The following WWC1 variants were observed in gnomAD, a reference collection of about 807,000 sequenced individuals.
The protein encoded by WWC1 is protein KIBRA.
A neutral mutation model predicts 138.4 loss-of-function variants in WWC1; 55 were observed. The observed-to-expected ratio is 0.40, with a 90% CI of 0.32 to 0.50. The LOEUF (loss-of-function observed/expected upper bound fraction) is 0.50, where lower values mean the gene tolerates loss of function less well. Ranked by LOEUF, WWC1 falls within the 20% of genes least tolerant of loss-of-function variation. The pLI is 0.72. For synonymous variants in WWC1, 524 were observed against 564.9 expected, an observed-to-expected ratio of 0.93 and a Z score of 1.03; for missense variants, 1,226 against 1,420.4, an observed-to-expected ratio of 0.86 and a Z score of 2.20.
intron 1 of WWC1, among the ~76,000 whole-genome samples, chr5:168,326,389 G>A (rs1018487008): frequency 1.3e-5 from 2 of 151,490 alleles, no homozygotes; most frequent in South Asian, 2.1e-4. Context: ...AGCTAATTTT[G>A]TATTTTTAGT....
At chr5:168,399,437 C>A (rs1192040692) in intron 4 of WWC1, 51 bp from the exon 5 acceptor site, 2 of 1,604,120 alleles carry the variant, frequency 1.2e-6, no homozygotes, top group Non-Finnish European at 8.5e-7. Context: ...GCAGCCTGCA[C>A]CTTGGTGTCA....
intron 6 of WWC1, among the ~76,000 whole-genome samples, chr5:168,407,671 G>A (rs999547426): frequency 2.0e-5 from 3 of 152,088 alleles, no homozygotes; most frequent in African/African-American, 2.4e-5. Context: ...ATCTTGCCTC[G>A]GTCAATTGCC....
At position 168,374,045 on chromosome 5, in the gene WWC1, CA is replaced by C. The variant is rs200314568; in HGVS notation, c.229+2531del. Among the ~76,000 whole-genome samples, 596 of 99,632 alleles carry C rather than the reference CA, an allele frequency of 6.0e-3. 11 individuals carry two copies. The East Asian group carries it at 0.067, about 11-fold the overall frequency. The allele number at this position is 99,632 out of a possible 152,430, so 65.4% of individuals were successfully genotyped here. On this transcript the variant is annotated intron_variant, in intron 2 of 22. Coordinates refer to ENST00000265293, the MANE Select transcript of WWC1 (RefSeq NM_015238.3). ...TGGGCAACAGAGCGAGATTCTGTACCAAAAAAAAAAAAAAAAAAAGAGAGAG... is the reference window on the plus strand; with the variant it reads ...TGGGCAACAGAGCGAGATTCTGTACCAAAAAAAAAAAAAAAAAAGAGAGAG...
At chr5:168,467,020 G>A (rs946297223) in intron 21 of WWC1, among the ~76,000 whole-genome samples, 1 of 152,202 alleles carries the variant, frequency 6.6e-6, no homozygotes, top group Non-Finnish European at 1.5e-5. Flanking sequence ...CCAGCACTTT[G>A]GGAGGCCGAG....
intron 1 of WWC1, among the ~76,000 whole-genome samples, chr5:168,296,407 C>T (rs1047950379): frequency 4.6e-5 from 7 of 152,116 alleles, no homozygotes; most frequent in Admixed American, 2.6e-4. Flanking sequence ...GGTAGGAAGT[C>T]AGGTCTACAG....
chr5:168,413,605 G>A (rs555503929), intron 8 of WWC1, among the ~76,000 whole-genome samples: 16 of 152,272 alleles, frequency 1.1e-4, no homozygotes, highest in African/African-American at 3.1e-4. Flanking sequence ...ATACCAAAAT[G>A]CTTTCTTGAG....
At chr5:168,393,217 C>T (rs892582965) in intron 3 of WWC1, among the ~76,000 whole-genome samples, 2 of 152,104 alleles carry the variant, frequency 1.3e-5, no homozygotes, top group African/African-American at 4.8e-5. Context: ...TGAAATAATT[C>T]AGAAACATTT....
At chr5:168,402,284 C>T (rs893319970) in intron 5 of WWC1, among the ~76,000 whole-genome samples, 3 of 152,218 alleles carry the variant, frequency 2.0e-5, no homozygotes, top group African/African-American at 7.2e-5. Context: ...CTTTAATGTA[C>T]ACCTTGGCAG....
At chr5:168,423,148 CCAA>C (rs1781236231) in intron 10 of WWC1, among the ~76,000 whole-genome samples, 1 of 106,908 alleles carries the variant, frequency 9.4e-6, no homozygotes, top group African/African-American at 4.1e-5. Flanking sequence ...CCATCCCCCC[CCAA>C]AAAAAAAAAA....
At chr5:168,441,881 A>T (rs377306012) in intron 16 of WWC1, 47 bp downstream of exon 16, 505 of 1,587,744 alleles carry the variant, frequency 3.2e-4, no homozygotes, top group Middle Eastern at 5.9e-4. Flanking sequence ...CCGCACCCGG[A>T]TGTTGGAAGG....
intron 17 of WWC1, among the ~76,000 whole-genome samples, chr5:168,452,122 T>C (rs34565033): frequency 0.32 from 47,922 of 151,914 alleles, 8,847 homozygotes; most frequent in Middle Eastern, 0.46. Context: ...GCCAAGATGG[T>C]CTTGAACTCC....
At chr5:168,334,149 A>G (rs551499647) in intron 1 of WWC1, among the ~76,000 whole-genome samples, 43 of 149,690 alleles carry the variant, frequency 2.9e-4, no homozygotes, top group Non-Finnish European at 5.5e-4. Flanking sequence ...ATTTAAGCCC[A>G]GGAGTTCAGG....
Position 168,468,974 on chromosome 5 carries a change from G to A in WWC1, c.3299G>A (p.Arg1100Gln), listed in dbSNP as rs150253508. 9.3e-5 allele frequency: 150 copies of A among 1,614,160 alleles called. No individual in the cohort carries two copies. The African/African-American group carries it at 1.3e-3, about 14-fold the overall frequency. Residue 1100 changes from arginine to glutamine, a missense_variant, in exon 23 of 23, where the codon CGG becomes CAG. This residue lies in a region of WWC1 where 206 missense variants were observed against 247.4 expected (regional missense o/e 0.83). Transcript: ENST00000265293. ...AGGGAGAAGATGGCATTTTTCACCCGGCCTCGGATGAATATCCCAGCTCTC... is the reference window on the plus strand; with the variant it reads ...AGGGAGAAGATGGCATTTTTCACCCAGCCTCGGATGAATATCCCAGCTCTC... ...SFREKMAFFT[R>Q]PRMNIPALSA...
intron 1 of WWC1, among the ~76,000 whole-genome samples, chr5:168,296,468 T>A (rs1414154580): frequency 6.6e-6 from 1 of 152,152 alleles, no homozygotes; most frequent in Admixed American, 6.5e-5. Context: ...ATGAGACTGA[T>A]AAAGGTTCAG....
chr5:168,375,693 G>A (rs1477485662), intron 2 of WWC1, among the ~76,000 whole-genome samples: 2 of 151,906 alleles, frequency 1.3e-5, no homozygotes, highest in Non-Finnish European at 2.9e-5. Context: ...TCCTGCCTCA[G>A]CCTCCCAAGT....
In WWC1 at chr5:168,305,554, C is replaced by T. The variant is rs569503728; in HGVS notation, c.119+13283C>T. Among the ~76,000 whole-genome samples the T allele has an allele frequency of 2.6e-4, 39 of 152,240 alleles. 2 individuals carry two copies. The South Asian group carries it at 6.2e-3, about 24-fold the overall frequency. The stretch of plus-strand genomic sequence containing the variant: ...CATTAAGCCAGGGTTGAATGCTCCC[C>T]GGGTCCGGAGTTTTGGATTCTGTTT... On this transcript the variant is annotated intron_variant, in intron 1 of 22. Coordinates refer to ENST00000265293, the MANE Select transcript of WWC1 (RefSeq NM_015238.3).
At position 168,455,387 on chromosome 5, in the gene WWC1, C is replaced by A. The variant is rs369883223; in HGVS notation, c.2690C>A (p.Ala897Asp). The A allele has an allele frequency of 1.3e-6, 2 of 1,597,326 alleles. No individual in the cohort carries two copies. The highest frequency in any genetic ancestry group is 1.7e-6 in the Non-Finnish European group (2 of 1,173,178). ...AAAGAGACCAACACGGAGACCCCGGCCCCATCCCCCACAGTGGTGCGACCT... is the reference window on the plus strand; with the variant it reads ...AAAGAGACCAACACGGAGACCCCGGACCCATCCCCCACAGTGGTGCGACCT... ...VDKETNTETP[A>D]PSPTVVRPKD... Residue 897 changes from alanine (A) to aspartate (D), a missense_variant, in exon 19 of 23, where the codon GCC (alanine) becomes GAC (aspartate). By Grantham distance (126) the Ala-to-Asp change is moderately radical (BLOSUM62 -2). Coordinates refer to ENST00000265293, the MANE Select transcript of WWC1 (RefSeq NM_015238.3).
At chr5:168,468,376 C>T (rs1205888200) in intron 22 of WWC1, among the ~76,000 whole-genome samples, 1 of 151,922 alleles carries the variant, frequency 6.6e-6, no homozygotes, top group Non-Finnish European at 1.5e-5. Flanking sequence ...CATGCTGGAC[C>T]CGGGTGTATT....
intron 1 of WWC1, among the ~76,000 whole-genome samples, chr5:168,359,975 A>C (rs1775762790): frequency 6.6e-6 from 1 of 152,232 alleles, no homozygotes; most frequent in African/African-American, 2.4e-5. Flanking sequence ...GAATGTTGCT[A>C]AACAGGTCTG....
Sources: gnomAD v4.1 joint callset for allele counts (sites outside exome capture counted in the v4.1 genomes callset) on GRCh38, gnomAD v4.1.1 for gene constraint, gnomAD v4.1.1 regional missense constraint, MANE v1.5 for transcripts, NCBI Gene and HGNC (gene_info 2026-07-23, HGNC 2026-07-21) for gene names.